The following PAPSS1 variants were observed in gnomAD, a reference collection of about 807,000 sequenced individuals.
PAPSS1 encodes the protein 3'-phosphoadenosine 5'-phosphosulfate synthase 1.
A neutral mutation model predicts 72.0 loss-of-function variants in PAPSS1; 50 were observed. The observed-to-expected ratio is 0.69, with a 90% CI of 0.55 to 0.88. The LOEUF is 0.88. Among genes scored for constraint, PAPSS1 ranks in the 40% least tolerant of loss-of-function variants. PAPSS1 has a pLI of 0.00. For synonymous variants in PAPSS1, 261 were observed against 263.6 expected (o/e 0.99, Z 0.09); for missense variants, 657 against 782.2 (o/e 0.84, Z 1.91).
At chr4:107,628,037 T>C (rs548818964) in intron 11 of PAPSS1, among the ~76,000 whole-genome samples, 57 of 152,316 alleles carry the variant, frequency 3.7e-4, no homozygotes, top group African/African-American at 1.1e-3. Context: ...TACTAGAATC[T>C]GGGCCACATT....
chr4:107,667,536 C>T (rs1035685732), intron 5 of PAPSS1, among the ~76,000 whole-genome samples: 4 of 151,490 alleles, frequency 2.6e-5, no homozygotes, highest in African/African-American at 9.8e-5. Flanking sequence ...GAGGTCTGAA[C>T]TAACTCCACA....
At position 107,658,616 on chromosome 4, in the gene PAPSS1, A is replaced by C. The variant is rs571737750; in HGVS notation, c.783+1343T>G. 5.9e-5 allele frequency among the ~76,000 whole-genome samples: 9 copies of C among 152,354 alleles called. No individual in the cohort carries two copies. In the South Asian group the frequency reaches 1.9e-3, roughly 32 times the overall value. Reference sequence around the variant, plus strand: ...TAAAGCACCTGGCTGAGTGGAGTACAGTAAAATGCAGCCTACTATTTATTC... The same window carrying C: ...TAAAGCACCTGGCTGAGTGGAGTACCGTAAAATGCAGCCTACTATTTATTC... On this transcript the variant is annotated intron_variant, in intron 6 of 11. Coordinates refer to ENST00000265174, the MANE Select transcript of PAPSS1 (RefSeq NM_005443.5).
chr4:107,717,687 A>G (rs1056101548), intron 1 of PAPSS1, among the ~76,000 whole-genome samples: 9 of 152,200 alleles, frequency 5.9e-5, no homozygotes, highest in African/African-American at 1.9e-4. Context: ...TGTTCCTGGC[A>G]CACACTAAAC....
intron 11 of PAPSS1, among the ~76,000 whole-genome samples, chr4:107,625,890 GTA>G (rs930452030): frequency 1.3e-5 from 2 of 152,074 alleles, no homozygotes; most frequent in African/African-American, 4.8e-5. Flanking sequence ...ATTATTTAAA[GTA>G]TACTCTGGGC....
chr4:107,680,923 T>A (rs1727788963), intron 5 of PAPSS1, among the ~76,000 whole-genome samples: 1 of 152,228 alleles, frequency 6.6e-6, no homozygotes, highest in African/African-American at 2.4e-5. Flanking sequence ...CAGTATCGAT[T>A]TACATTATTT....
Position 107,643,929 on chromosome 4 carries a change from T to C in PAPSS1, c.1506+873A>G, listed in dbSNP as rs1439093018. ...AAGACAAATTAGGAAACGATCAGAA[T>C]GGGACAGAATCTTGAAGAACACTTA... is the stretch of plus-strand genomic sequence containing the variant. On this transcript the variant is annotated intron_variant, in intron 10 of 11. Coordinates refer to ENST00000265174, the MANE Select transcript of PAPSS1 (RefSeq NM_005443.5). Among the ~76,000 whole-genome samples the C allele has an allele frequency of 2.6e-5, 4 of 152,280 alleles. No individual in the cohort carries two copies. The East Asian group carries it at 7.7e-4, about 29-fold the overall frequency.
chr4:107,660,465 A>G (rs919949933), intron 5 of PAPSS1, among the ~76,000 whole-genome samples: 1 of 152,136 alleles, frequency 6.6e-6, no homozygotes, highest in Non-Finnish European at 1.5e-5. Context: ...GCTTTTATAT[A>G]TACCTTTATC....
At chr4:107,644,681 G>A in intron 10 of PAPSS1, 121 bp downstream of exon 10, 1 of 896,930 alleles carries the variant, frequency 1.1e-6, no homozygotes, top group Non-Finnish European at 1.6e-6. Context: ...AGAATGTCAT[G>A]TATAACAAAT....
At chr4:107,644,045 C>T (rs1238590951) in intron 10 of PAPSS1, among the ~76,000 whole-genome samples, 1 of 152,138 alleles carries the variant, frequency 6.6e-6, no homozygotes, top group African/African-American at 2.4e-5. Context: ...CTGGTGGCAA[C>T]CCAGAACCCA....
intron 11 of PAPSS1, among the ~76,000 whole-genome samples, chr4:107,623,568 G>A (rs913601703): frequency 1.3e-5 from 2 of 152,118 alleles, no homozygotes; most frequent in East Asian, 1.9e-4. Flanking sequence ...TTCAGCTTTC[G>A]AGCTTAAAGT....
At chr4:107,681,925 A>T (rs1474151918) in intron 5 of PAPSS1, 90 bp downstream of exon 5, 1 of 692,490 alleles carries the variant, frequency 1.4e-6, no homozygotes, top group Non-Finnish European at 2.6e-6. Context: ...ATGTTACTCA[A>T]TATTAACACC....
intron 10 of PAPSS1, among the ~76,000 whole-genome samples, chr4:107,638,444 G>T (rs887407649): frequency 1.3e-5 from 2 of 152,150 alleles, no homozygotes; most frequent in African/African-American, 4.8e-5. Flanking sequence ...TGTAAGAGCT[G>T]CATTTTTTTC....
intron 5 of PAPSS1, 124 bp downstream of exon 5, chr4:107,681,891 C>A (rs779676616): frequency 3.4e-5 from 20 of 593,770 alleles, no homozygotes; most frequent in African/African-American, 7.5e-5. Flanking sequence ...ACACTGTTGG[C>A]ATTTCGAAGC....
chr4:107,648,109 C>T (rs1227915142), intron 9 of PAPSS1, among the ~76,000 whole-genome samples: 8 of 152,178 alleles, frequency 5.3e-5, no homozygotes, highest in Non-Finnish European at 7.3e-5. Flanking sequence ...CAAGTTCTCT[C>T]CCTTTCCTCT....
intron 2 of PAPSS1, among the ~76,000 whole-genome samples, chr4:107,699,290 T>C (rs1299635150): frequency 6.7e-6 from 1 of 148,198 alleles, no homozygotes; most frequent in Non-Finnish European, 1.5e-5. Context: ...GAAGTCACAA[T>C]GAAAAAGAAA....
chr4:107,657,047 G>A (rs751301586), intron 6 of PAPSS1, 40 bp from the exon 7 acceptor site: 1 of 1,248,400 alleles, frequency 8.0e-7, no homozygotes, highest in Non-Finnish European at 1.2e-6. Context: ...TCTATTGCAT[G>A]TATATATGAG....
intron 10 of PAPSS1, among the ~76,000 whole-genome samples, chr4:107,632,082 G>C (rs867444068): frequency 1.3e-5 from 2 of 151,896 alleles, no homozygotes; most frequent in African/African-American, 4.8e-5. Context: ...AATATTTATG[G>C]ATATATATGT....
At chr4:107,628,714 T>C (rs1726158050) in intron 11 of PAPSS1, among the ~76,000 whole-genome samples, 1 of 152,242 alleles carries the variant, frequency 6.6e-6, no homozygotes, top group South Asian at 2.1e-4. Context: ...ATTTCATATG[T>C]ACAAGTACCT....
intron 4 of PAPSS1, among the ~76,000 whole-genome samples, chr4:107,686,398 A>G (rs776630106): frequency 6.6e-6 from 1 of 152,220 alleles, no homozygotes; most frequent in Non-Finnish European, 1.5e-5. Flanking sequence ...ATATAAATAG[A>G]TGTTATACTA....
Sources: allele counts gnomAD v4.1 joint callset (sites outside exome capture counted in the v4.1 genomes callset), GRCh38; gene constraint gnomAD v4.1.1; transcripts MANE v1.5; gene names NCBI Gene and HGNC (gene_info 2026-07-23, HGNC 2026-07-21).